Variants in MRPS10 observed in about 807,000 individuals in gnomAD.
MRPS10 encodes the protein small ribosomal subunit protein uS10m.
MRPS10 carries 23 observed loss-of-function variants against 27.5 expected under a neutral mutation model. That is an observed-to-expected ratio of 0.84 (90% confidence interval 0.60 to 1.18). MRPS10 has a LOEUF of 1.18. MRPS10 is among the 50% of genes most tolerant of loss of function. MRPS10 has a pLI of 0.00. For missense variants in MRPS10, 237 were observed against 240.1 expected (o/e 0.99, Z 0.09); for synonymous variants, 88 against 84.2 (o/e 1.04, Z -0.25).
At chr6:42,216,119 G>T (rs139922578) in intron 1 of MRPS10, among the ~76,000 whole-genome samples, 1 of 149,788 alleles carries the variant, frequency 6.7e-6, no homozygotes, top group African/African-American at 2.5e-5. Flanking sequence ...CGCCTCCTGG[G>T]TTCAAGCAAG....
chr6:42,215,210 G>A (rs902657048), intron 1 of MRPS10, among the ~76,000 whole-genome samples: 2 of 151,850 alleles, frequency 1.3e-5, no homozygotes, highest in African/African-American at 4.8e-5. Flanking sequence ...CCAACATGGT[G>A]AAACCCTGTC....
Position 42,208,390 on chromosome 6 carries a change from C to T in MRPS10, c.523-18G>A, listed in dbSNP as rs1469996001. The T allele has an allele frequency of 6.5e-7, 1 of 1,533,886 alleles. No individual in the cohort carries two copies. Among genetic ancestry groups the T allele is most frequent in the African/African-American group, 1.4e-5 (1 of 72,628 alleles). The stretch of plus-strand genomic sequence containing the variant: ...AATTGTGTCTAAAAAAAGAAAGAAA[C>T]AAAACTATAATGTGGATTTAACAGA... On this transcript the variant is annotated intron_variant, in intron 6 of 6. Coordinates refer to ENST00000053468, the MANE Select transcript of MRPS10 (RefSeq NM_018141.4).
At chr6:42,213,962 C>T (rs768603886) in intron 3 of MRPS10, among the ~76,000 whole-genome samples, 158 bp downstream of exon 3, 1 of 151,968 alleles carries the variant, frequency 6.6e-6, no homozygotes, top group Non-Finnish European at 1.5e-5. Context: ...ACAATATAAT[C>T]CAGGGAGTTA....
In MRPS10 at chr6:42,217,842, G is replaced by A. The variant is rs768559699; in HGVS notation, c.8C>T (p.Ala3Val). The A allele has an allele frequency of 4.3e-6, 7 of 1,613,936 alleles. No individual in the cohort carries two copies. The highest frequency in any genetic ancestry group is 3.3e-5 in the Admixed American group (2 of 60,000). MAARTAFGAVCRR... is the reference protein window; with the variant it reads MAVRTAFGAVCRR... ...GCACACAGCACCGAACGCTGTCCGC[G>A]CCGCCATCTTGCCGGTCCCGACCTC... Residue 3 changes from alanine to valine, a missense_variant, in exon 1 of 7, where the codon GCG becomes GTG. This residue lies in a region of MRPS10 where 164 missense variants were observed against 137.8 expected (regional missense o/e 1.19). Transcript: ENST00000053468.
At position 42,212,037 on chromosome 6, in the gene MRPS10, T is replaced by C. The variant is rs997302493; in HGVS notation, c.187-120A>G. 1.3e-5 allele frequency: 11 copies of C among 862,980 alleles called. No individual in the cohort carries two copies. In the African/African-American group the frequency reaches 1.7e-4, roughly 13 times the overall value. 53.5% of individuals were successfully genotyped at this position (862,980 alleles called of 1,614,324 possible). ...TACTAATAAATGAGGAGAAAAACACTGAGTGACGGCAGTGTTAGCTGAAGT... is the reference window on the plus strand; with the variant it reads ...TACTAATAAATGAGGAGAAAAACACCGAGTGACGGCAGTGTTAGCTGAAGT... On this transcript the variant is annotated intron_variant, in intron 3 of 6. Coordinates refer to ENST00000053468, the MANE Select transcript of MRPS10 (RefSeq NM_018141.4).
intron 3 of MRPS10, 47 bp downstream of exon 3, chr6:42,214,073 C>A: frequency 6.8e-7 from 1 of 1,466,336 alleles, no homozygotes; most frequent in East Asian, 2.3e-5. Flanking sequence ...ATAAGGAAAA[C>A]CTATTGCCAA....
chr6:42,209,173 T>C (rs1768698971), intron 5 of MRPS10, among the ~76,000 whole-genome samples: 1 of 150,540 alleles, frequency 6.6e-6, no homozygotes, highest in Non-Finnish European at 1.5e-5. Flanking sequence ...TTTTTTTGTA[T>C]TTTTAGTAGA....
chr6:42,217,023 A>G (rs1768960386), intron 1 of MRPS10, among the ~76,000 whole-genome samples: 1 of 152,238 alleles, frequency 6.6e-6, no homozygotes. Flanking sequence ...TTAAATACAG[A>G]AGCAGATTTG....
intron 1 of MRPS10, among the ~76,000 whole-genome samples, chr6:42,217,288 G>A (rs1392842423): frequency 6.6e-6 from 1 of 152,068 alleles, no homozygotes; most frequent in Non-Finnish European, 1.5e-5. Flanking sequence ...TGGTCCCAAG[G>A]CCAAAAAGCA....
At chr6:42,214,052 C>A in intron 3 of MRPS10, 68 bp downstream of exon 3, 4 of 1,361,184 alleles carry the variant, frequency 2.9e-6, no homozygotes, top group Admixed American at 2.2e-5. Context: ...GAAAAAAAAC[C>A]CAATGAAATA....
At chr6:42,212,783 G>T (rs985971043) in intron 3 of MRPS10, among the ~76,000 whole-genome samples, 1 of 152,188 alleles carries the variant, frequency 6.6e-6, no homozygotes, top group African/African-American at 2.4e-5. Context: ...TCCAAAAAGG[G>T]TTGTTGGAAG....
At chr6:42,208,996 A>T in intron 5 of MRPS10, 49 bp from the exon 6 acceptor site, 3 of 1,226,056 alleles carry the variant, frequency 2.4e-6, no homozygotes, top group Middle Eastern at 2.4e-4. Context: ...TTGTTAAAGC[A>T]CGGTTTTTTG....
Position 42,214,313 on chromosome 6 carries a change from T to C in MRPS10, c.80A>G (p.Lys27Arg), listed in dbSNP as rs1440899664. ...GLGNFSVNTS[K>R]GNTAKNGGLL... ...GCCACCATTTTTGGCTGTATTGCCC[T>C]TAGAAGTGTTTACAGAAAAATTCCC... Residue 27 changes from lysine to arginine, a missense_variant, in exon 2 of 7, where the codon AAG (lysine) becomes AGG (arginine). By Grantham distance (26) the Lys-to-Arg change is conservative (BLOSUM62 2). This residue lies in a region of MRPS10 where 164 missense variants were observed against 137.8 expected (regional missense o/e 1.19). Transcript: ENST00000053468. The C allele has an allele frequency of 1.9e-6, 3 of 1,612,076 alleles. No homozygotes were observed. The highest frequency in any genetic ancestry group is 2.5e-6 in the Non-Finnish European group (3 of 1,179,024).
intron 1 of MRPS10, 21 bp downstream of exon 1, chr6:42,217,781 T>C (rs1582357277): frequency 6.2e-7 from 1 of 1,613,236 alleles, no homozygotes; most frequent in Non-Finnish European, 8.5e-7. Context: ...GCCCTCCTAG[T>C]CTCCCTAGCC....
At position 42,208,006 on chromosome 6, in the gene MRPS10, C is replaced by T. The variant is rs1243075945; in HGVS notation, c.*283G>A. 7.6e-6 allele frequency: 3 copies of T among 396,612 alleles called. No homozygotes were observed. In the South Asian group the frequency reaches 9.4e-5, roughly 12 times the overall value. 24.6% of individuals were successfully genotyped at this position (396,612 alleles called of 1,614,324 possible). A position where few individuals can be genotyped will look rare whatever the true frequency, so the allele number is the denominator to read the frequency against. On this transcript the variant is annotated 3_prime_UTR_variant, in exon 7 of 7. Transcript: ENST00000053468. ...AATGGTACAAACTAATAATTGAACA[C>T]CAGTAGCGTAACAAAATAGAATTTT...
At chr6:42,212,282 A>G (rs1288618653) in intron 3 of MRPS10, among the ~76,000 whole-genome samples, 1 of 152,216 alleles carries the variant, frequency 6.6e-6, no homozygotes, top group Non-Finnish European at 1.5e-5. Flanking sequence ...AGCTCTGCTA[A>G]TGGTAGCTGA....
chr6:42,216,397 T>G (rs900745316), intron 1 of MRPS10, among the ~76,000 whole-genome samples: 1 of 75,490 alleles, frequency 1.3e-5, no homozygotes. Context: ...TGTGTGTGTG[T>G]GTGTGTGTGT....
At chr6:42,210,064 A>G (rs1768734180) in intron 5 of MRPS10, among the ~76,000 whole-genome samples, 1 of 152,238 alleles carries the variant, frequency 6.6e-6, no homozygotes, top group African/African-American at 2.4e-5. Context: ...TCCAGAACCT[A>G]TGCTCTCCTT....
intron 3 of MRPS10, 46 bp downstream of exon 3, chr6:42,214,074 C>G (rs1768851965): frequency 6.8e-7 from 1 of 1,475,804 alleles, no homozygotes; most frequent in African/African-American, 1.4e-5. Context: ...TAAGGAAAAC[C>G]TATTGCCAAG....
Sources: allele counts gnomAD v4.1 joint callset (sites outside exome capture counted in the v4.1 genomes callset), GRCh38; gene constraint gnomAD v4.1.1; regional missense constraint gnomAD v4.1.1; transcripts MANE v1.5; gene names NCBI Gene and HGNC (gene_info 2026-07-23, HGNC 2026-07-21).